Variants in NUBP1 observed in about 807,000 individuals in gnomAD.
The protein encoded by NUBP1 is cytosolic Fe-S cluster assembly factor NUBP1.
In NUBP1, 46 loss-of-function variants were observed where a neutral mutation model predicts 41.8. The ratio of observed to expected loss-of-function variants is 1.10; its 90% CI spans 0.87 to 1.41. The LOEUF is 1.41. Among genes scored for constraint, NUBP1 ranks in the 40% most tolerant of loss-of-function variants. The probability of loss-of-function intolerance (pLI) is 0.00; values close to 1 mark genes in which losing one functional copy is unlikely to be tolerated. For missense variants in NUBP1, 494 were observed against 414.0 expected (o/e 1.19, Z -1.68); for synonymous variants, 189 against 154.6 (o/e 1.22, Z -1.65).
At chr16:10,747,426 G>A (rs555156889) in intron 3 of NUBP1, 150 bp downstream of exon 3, 1 of 991,008 alleles carries the variant, frequency 1.0e-6, no homozygotes, top group Admixed American at 2.7e-5. Flanking sequence ...TTGAGGCCAG[G>A]AGTTTGAGAT....
chr16:10,754,984 G>T (rs980626897), intron 4 of NUBP1, among the ~76,000 whole-genome samples: 5 of 152,156 alleles, frequency 3.3e-5, no homozygotes, highest in Non-Finnish European at 5.9e-5. Context: ...GGTGGAGGTT[G>T]CAGTGAGTCA....
At chr16:10,760,942 TCA>T (rs1219275697) in intron 7 of NUBP1, 1 of 183,838 alleles carries the variant, frequency 5.4e-6, no homozygotes, top group East Asian at 1.4e-4. Context: ...TTTCATTGAT[TCA>T]CAGTTCTGCA....
chr16:10,756,283 G>A lies in NUBP1; in HGVS notation c.361-407G>A, dbSNP rs142819436. Reference sequence around the variant, plus strand: ...AACACTGGCTACTCGGGAGGCTGAGGCAGGAGAATTGCTTGAACCCGGGAG... The same window carrying A: ...AACACTGGCTACTCGGGAGGCTGAGACAGGAGAATTGCTTGAACCCGGGAG... On this transcript the variant is annotated intron_variant, in intron 5 of 10. Coordinates refer to ENST00000283027, the MANE Select transcript of NUBP1 (RefSeq NM_002484.4). Among the ~76,000 whole-genome samples, 481 of 152,270 alleles carry A rather than the reference G, an allele frequency of 3.2e-3. 2 individuals are homozygous for A. Among genetic ancestry groups the A allele is most frequent in the South Asian group, 0.012 (59 of 4,826 alleles).
At position 10,769,061 on chromosome 16, in the gene NUBP1, T is replaced by A; in HGVS notation, c.919T>A (p.Cys307Ser). ...TTGTTTTCCAGGAATCCAAGAGTTT[T>A]GTAATCTCCATCAGTCAAAAGAAGA... ...RSIIQRIQEFCNLHQSKEENL... is the reference protein window; with the variant it reads ...RSIIQRIQEFSNLHQSKEENL... The change falls in exon 11 of 11, where the codon TGT (cysteine) becomes AGT (serine). Residue 307 changes from cysteine (C) to serine (S), a missense_variant. Coordinates refer to ENST00000283027, the MANE Select transcript of NUBP1 (RefSeq NM_002484.4). The A allele has an allele frequency of 1.9e-6, 3 of 1,614,110 alleles. No individual in the cohort carries two copies. The highest frequency in any genetic ancestry group is 2.5e-6 in the Non-Finnish European group (3 of 1,180,012).
intron 2 of NUBP1, 52 bp downstream of exon 2, chr16:10,744,117 A>C: frequency 1.1e-5 from 9 of 811,826 alleles, no homozygotes; most frequent in Non-Finnish European, 1.5e-5. Context: ...GGCCCGGAAA[A>C]GGCGGGGCGT....
rs752635308 is a variant in NUBP1, at chr16:10,767,911, C to G, written c.821-38C>G. The G allele has an allele frequency of 6.3e-7, 1 of 1,596,186 alleles. No individual in the cohort carries two copies. The highest frequency in any genetic ancestry group is 8.6e-7 in the Non-Finnish European group (1 of 1,163,850). On this transcript the variant is annotated intron_variant, in intron 9 of 10. Transcript: ENST00000283027. The surrounding 1 kb of genome is among the most constrained non-coding windows in gnomAD (Gnocchi z 4.6). ...GATCTTGTGGCCATTCTGTTTTCCT[C>G]TTGGACTGAATTGTCTTCCGTTTGT...
rs1438545015 is a variant in NUBP1, at chr16:10,767,152, G to T, written c.821-797G>T. 2.5e-6 allele frequency: 1 copy of T among 399,248 alleles called. No individual in the cohort carries two copies. Among genetic ancestry groups the T allele is most frequent in the Non-Finnish European group, 4.4e-6 (1 of 226,680 alleles). The allele number at this position is 399,248 out of a possible 1,614,324, so 24.7% of individuals were successfully genotyped here. A position where few individuals can be genotyped will look rare whatever the true frequency, so the allele number is the denominator to read the frequency against. On this transcript the variant is annotated intron_variant, in intron 9 of 10. Coordinates refer to ENST00000283027, the MANE Select transcript of NUBP1 (RefSeq NM_002484.4). This position sits in a 1 kb window ranked among gnomAD's most constrained non-coding sequence, Gnocchi z 4.6. ...ACTTGCCTGTTTCGCCAGCAGCTCA[G>T]GCCTGGGGAGTGGGCAGAGCAAGCT... is the stretch of plus-strand genomic sequence containing the variant.
chr16:10,757,969 T>G lies in NUBP1; in HGVS notation c.548T>G (p.Val183Gly). Reference sequence around the variant, plus strand: ...GGGACGTCGGATGAACACCTCTCGGTCGTCCGGTACCTGGCCACAGCACAC... The same window carrying G: ...GGGACGTCGGATGAACACCTCTCGGGCGTCCGGTACCTGGCCACAGCACAC... The part of the protein sequence containing the change: ...PPGTSDEHLS[V>G]VRYLATAHID... The change falls in exon 7 of 11, where the codon GTC (valine) becomes GGC (glycine). Residue 183 changes from valine (V) to glycine (G), a missense_variant. Transcript: ENST00000283027. This position sits in a 1 kb window ranked among gnomAD's most constrained non-coding sequence, Gnocchi z 4.1. The G allele has an allele frequency of 6.2e-7, 1 of 1,614,022 alleles. No individual in the cohort carries two copies. Among genetic ancestry groups the G allele is most frequent in the Non-Finnish European group, 8.5e-7 (1 of 1,180,006 alleles).
At position 10,769,163 on chromosome 16, in the gene NUBP1, A is replaced by G. The variant is rs2031331829; in HGVS notation, c.*58A>G. On this transcript the variant is annotated 3_prime_UTR_variant, in exon 11 of 11. Coordinates refer to ENST00000283027, the MANE Select transcript of NUBP1 (RefSeq NM_002484.4). Reference sequence around the variant, plus strand: ...GAGCGAGGCACTCACTGGGCAGCACATCCAGCCAGACCCGACCAGCTCCGG... The same window carrying G: ...GAGCGAGGCACTCACTGGGCAGCACGTCCAGCCAGACCCGACCAGCTCCGG... 40 of 1,544,394 alleles carry G rather than the reference A, an allele frequency of 2.6e-5. No homozygotes were observed. In the South Asian group the frequency reaches 4.5e-4, roughly 17 times the overall value.
chr16:10,769,299 A>C lies in NUBP1; in HGVS notation c.*194A>C. On this transcript the variant is annotated 3_prime_UTR_variant, in exon 11 of 11. Coordinates refer to ENST00000283027, the MANE Select transcript of NUBP1 (RefSeq NM_002484.4). ...TACACTTTTCTTTAGAACATATATA[A>C]AGGGCATTCTCTACAAATGTGCCGT... 2 of 547,696 alleles carry C rather than the reference A, an allele frequency of 3.7e-6. No homozygotes were observed. The highest frequency in any genetic ancestry group is 3.2e-6 in the Non-Finnish European group (1 of 308,918). 33.9% of individuals were successfully genotyped at this position (547,696 alleles called of 1,614,324 possible).
chr16:10,762,653 G>C (rs1037134524), intron 9 of NUBP1, among the ~76,000 whole-genome samples: 4 of 152,226 alleles, frequency 2.6e-5, no homozygotes, highest in Non-Finnish European at 5.9e-5. Context: ...GAAGGCTGGA[G>C]GGGAGGCCGG....
Position 10,750,484 on chromosome 16 carries a change from C to T in NUBP1, c.259-2126C>T, listed in dbSNP as rs118055628. On this transcript the variant is annotated intron_variant, in intron 3 of 10. Coordinates refer to ENST00000283027, the MANE Select transcript of NUBP1 (RefSeq NM_002484.4). ...CTCGAACTCCTGACCTCAGGTGATCCGCCTGCCTCAACCTCCCAAAGTTCT... is the reference window on the plus strand; with the variant it reads ...CTCGAACTCCTGACCTCAGGTGATCTGCCTGCCTCAACCTCCCAAAGTTCT... 0.012 allele frequency among the ~76,000 whole-genome samples: 1,785 copies of T among 152,178 alleles called. 148 individuals carry two copies. The East Asian group carries it at 0.21, about 18-fold the overall frequency.
In NUBP1 at chr16:10,749,675, C is replaced by T. The variant is rs993085399; in HGVS notation, c.258+2399C>T. Among the ~76,000 whole-genome samples, 7 of 152,208 alleles carry T rather than the reference C, an allele frequency of 4.6e-5. No individual in the cohort carries two copies. Among genetic ancestry groups the T allele is most frequent in the Non-Finnish European group, 8.8e-5 (6 of 68,046 alleles). On this transcript the variant is annotated intron_variant, in intron 3 of 10. Coordinates refer to ENST00000283027, the MANE Select transcript of NUBP1 (RefSeq NM_002484.4). This position sits in a 1 kb window ranked among gnomAD's most constrained non-coding sequence, Gnocchi z 4.1. ...TTAAAGTCAAGCAGCACAGATTTCT[C>T]CCTGCCCTAAATCCAGCAGGGTGGT...
At chr16:10,758,220 C>T (rs866852939) in intron 7 of NUBP1, among the ~76,000 whole-genome samples, 193 bp downstream of exon 7, 6 of 151,974 alleles carry the variant, frequency 3.9e-5, no homozygotes, top group Non-Finnish European at 8.8e-5. Flanking sequence ...CCTGTAATCC[C>T]AGGACTTTGG....
Position 10,768,306 on chromosome 16 carries a change from G to T in NUBP1, c.904+274G>T. ...AAGTAATTCATTTTTAAAAGTAACT[G>T]ATAAAAAAAAAAAAGGCCAGGTGCA... is the stretch of plus-strand genomic sequence containing the variant. On this transcript the variant is annotated intron_variant, in intron 10 of 10. Coordinates refer to ENST00000283027, the MANE Select transcript of NUBP1 (RefSeq NM_002484.4). The surrounding 1 kb of genome is among the most constrained non-coding windows in gnomAD (Gnocchi z 4.3). 2.2e-5 allele frequency: 4 copies of T among 180,926 alleles called. No individual in the cohort carries two copies. Among genetic ancestry groups the T allele is most frequent in the Non-Finnish European group, 4.2e-5 (4 of 94,582 alleles). 11.2% of individuals were successfully genotyped at this position (180,926 alleles called of 1,614,324 possible).
intron 2 of NUBP1, among the ~76,000 whole-genome samples, chr16:10,745,972 G>A (rs1900044632): frequency 1.3e-5 from 2 of 152,212 alleles, no homozygotes; most frequent in Non-Finnish European, 2.9e-5. Context: ...TTGTTTATGG[G>A]AGGATACTCA....
At position 10,768,832 on chromosome 16, in the gene NUBP1, C is replaced by T. The variant is rs908999522; in HGVS notation, c.905-215C>T. The T allele has an allele frequency of 1.8e-5, 9 of 510,012 alleles. No homozygotes were observed. Among genetic ancestry groups the T allele is most frequent in the East Asian group, 1.6e-4 (5 of 31,212 alleles). The allele number at this position is 510,012 out of a possible 1,614,324, so 31.6% of individuals were successfully genotyped here. A position where few individuals can be genotyped will look rare whatever the true frequency, so the allele number is the denominator to read the frequency against. ...CAGAATCCTCCATCTATAGATGGTC[C>T]GAGGAAGGCCGCAGCCACTGGTTAT... On this transcript the variant is annotated intron_variant, in intron 10 of 10. Transcript: ENST00000283027. The surrounding 1 kb of genome is among the most constrained non-coding windows in gnomAD (Gnocchi z 4.3).
In NUBP1 at chr16:10,752,683, T is replaced by C. The variant is rs1192872910; in HGVS notation, c.327+5T>C. 5 of 1,612,610 alleles carry C rather than the reference T, an allele frequency of 3.1e-6. No individual in the cohort carries two copies. The highest frequency in any genetic ancestry group is 1.7e-5 in the Admixed American group (1 of 59,974). On this transcript the variant is annotated splice_donor_5th_base_variant and intron_variant, in intron 4 of 10. Coordinates refer to ENST00000283027, the MANE Select transcript of NUBP1 (RefSeq NM_002484.4). ...ATGGGATTGGAAGGAGAGCAGGTAA[T>C]AGCCGGTTACAGAACTCAGGAAATT...
rs1321506420 is a variant in NUBP1, at chr16:10,759,571, C to T, written c.606+1544C>T. 3.9e-5 allele frequency among the ~76,000 whole-genome samples: 6 copies of T among 152,148 alleles called. No individual in the cohort carries two copies. Among genetic ancestry groups the T allele is most frequent in the East Asian group, 1.9e-4 (1 of 5,176 alleles). On this transcript the variant is annotated intron_variant, in intron 7 of 10. Transcript: ENST00000283027. This position sits in a 1 kb window ranked among gnomAD's most constrained non-coding sequence, Gnocchi z 4.7. ...GGCAGATTACTTGAGGTCAGGAGTT[C>T]GAGACCAGACTGGCCAATATGGCAA...
Sources: gnomAD v4.1 joint callset for allele counts (sites outside exome capture counted in the v4.1 genomes callset) on GRCh38, gnomAD v4.1.1 for gene constraint, Gnocchi (gnomAD v3.1) non-coding constraint, MANE v1.5 for transcripts, NCBI Gene and HGNC (gene_info 2026-07-23, HGNC 2026-07-21) for gene names.